The following DIP2B variants were observed in gnomAD, a reference collection of about 807,000 sequenced individuals.
DIP2B encodes disco-interacting protein 2 homolog B.
A neutral mutation model predicts 198.0 loss-of-function variants in DIP2B; 76 were observed. The ratio of observed to expected loss-of-function variants is 0.38; its 90% CI spans 0.32 to 0.46. The LOEUF is 0.46. DIP2B is among the 20% of genes least tolerant of loss of function. The probability of loss-of-function intolerance (pLI) is 0.99; values close to 1 mark genes in which losing one functional copy is unlikely to be tolerated. For missense variants in DIP2B, 1,559 were observed against 1,978.4 expected (o/e 0.79, Z 4.02); for synonymous variants, 701 against 739.1 (o/e 0.95, Z 0.84).
chr12:50,708,096 C>A (rs1939547169), intron 21 of DIP2B, among the ~76,000 whole-genome samples: 1 of 152,018 alleles, frequency 6.6e-6, no homozygotes, highest in African/African-American at 2.4e-5. Flanking sequence ...CCCGAGCCAC[C>A]CTGCCCTCAG....
At position 50,745,070 on chromosome 12, in the gene DIP2B, A is replaced by G; in HGVS notation, c.*231A>G. On this transcript the variant is annotated 3_prime_UTR_variant, in exon 38 of 38. Coordinates refer to ENST00000301180, the MANE Select transcript of DIP2B (RefSeq NM_173602.3). ...ACATGTGCTTTGACATAGCGTGAGC[A>G]GCACATTACTAAAGCAATTACATGC... The G allele has an allele frequency of 1.8e-6, 1 of 559,512 alleles. No homozygotes were observed. The highest frequency in any genetic ancestry group is 3.1e-6 in the Non-Finnish European group (1 of 320,484). 34.7% of individuals were successfully genotyped at this position (559,512 alleles called of 1,614,324 possible).
intron 13 of DIP2B, 64 bp from the exon 14 acceptor site, chr12:50,692,885 T>G: frequency 7.3e-7 from 1 of 1,367,316 alleles, no homozygotes. Flanking sequence ...AAGAGGCAAG[T>G]GACATAATTT....
chr12:50,549,177 A>G (rs1958403479), intron 1 of DIP2B, among the ~76,000 whole-genome samples: 1 of 151,884 alleles, frequency 6.6e-6, no homozygotes, highest in African/African-American at 2.4e-5. Context: ...GTTTAAAAAA[A>G]AAAAAAAAGG....
Position 50,691,243 on chromosome 12 carries a change from C to T in DIP2B, c.1654+92C>T, listed in dbSNP as rs74417964. ...TCAGTGATTGGACCTCATTTAATGA[C>T]CGAATTCAGAGTGAAATGTCCCAAG... On this transcript the variant is annotated intron_variant, in intron 13 of 37. Transcript: ENST00000301180. 7.7e-4 allele frequency: 861 copies of T among 1,121,796 alleles called. 5 individuals carry two copies. In the African/African-American group the frequency reaches 0.012, roughly 16 times the overall value. 69.5% of individuals were successfully genotyped at this position (1,121,796 alleles called of 1,614,324 possible).
At chr12:50,561,769 G>A (rs529669040) in intron 1 of DIP2B, among the ~76,000 whole-genome samples, 5 of 152,206 alleles carry the variant, frequency 3.3e-5, no homozygotes, top group Admixed American at 3.3e-4. Context: ...AACCATGCTT[G>A]GCTAATTTTT....
chr12:50,669,029 A>C (rs971593406), intron 4 of DIP2B, among the ~76,000 whole-genome samples: 3 of 151,604 alleles, frequency 2.0e-5, no homozygotes, highest in African/African-American at 7.3e-5. Flanking sequence ...GTCACTATTT[A>C]TCTCTCCACC....
chr12:50,685,260 G>A (rs1939113397), intron 10 of DIP2B, among the ~76,000 whole-genome samples: 1 of 152,160 alleles, frequency 6.6e-6, no homozygotes, highest in South Asian at 2.1e-4. Flanking sequence ...AATGATGCTT[G>A]TAAGATGATA....
chr12:50,602,537 G>A (rs904197709), intron 1 of DIP2B, among the ~76,000 whole-genome samples: 1 of 152,198 alleles, frequency 6.6e-6, no homozygotes, highest in African/African-American at 2.4e-5. Context: ...GATTACAGAT[G>A]TGAGCCACTA....
rs1361968774 is a variant in DIP2B at position 50,721,324 on chromosome 12, A to G, written c.3094A>G (p.Arg1032Gly). The G allele has an allele frequency of 6.2e-7, 1 of 1,614,054 alleles. No homozygotes were observed. Among genetic ancestry groups the G allele is most frequent in the African/African-American group, 1.3e-5 (1 of 74,934 alleles). The change falls in exon 26 of 38, where the codon AGG becomes GGG. Residue 1032 changes from arginine to glycine, a missense_variant. Arg to Gly is a moderately radical substitution (Grantham distance 125, BLOSUM62 -2). Coordinates refer to ENST00000301180, the MANE Select transcript of DIP2B (RefSeq NM_173602.3). ...CCTTCAGCTTCATAAGCGAGCAGAGAGGATTGCATCTGTTCTTGGTGATAA... is the reference window on the plus strand; with the variant it reads ...CCTTCAGCTTCATAAGCGAGCAGAGGGGATTGCATCTGTTCTTGGTGATAA... ...SCLQLHKRAERIASVLGDKGH... is the reference protein window; with the variant it reads ...SCLQLHKRAEGIASVLGDKGH...
intron 2 of DIP2B, among the ~76,000 whole-genome samples, chr12:50,629,746 A>T (rs1342566422): frequency 3.3e-5 from 5 of 152,052 alleles, no homozygotes; most frequent in African/African-American, 1.2e-4. Flanking sequence ...CCCTGCATGC[A>T]TTCTCCAGAA....
chr12:50,562,290 A>T (rs975642247), intron 1 of DIP2B, among the ~76,000 whole-genome samples: 2 of 152,156 alleles, frequency 1.3e-5, no homozygotes, highest in African/African-American at 4.8e-5. Flanking sequence ...GGGAGTGTGT[A>T]TGGTAATAAG....
At chr12:50,556,961 C>G (rs531091824) in intron 1 of DIP2B, among the ~76,000 whole-genome samples, 2 of 152,166 alleles carry the variant, frequency 1.3e-5, no homozygotes, top group Non-Finnish European at 2.9e-5. Flanking sequence ...TCACCTACAT[C>G]GGCCTCCCAT....
At chr12:50,590,656 A>C (rs1303873972) in intron 1 of DIP2B, among the ~76,000 whole-genome samples, 1 of 152,202 alleles carries the variant, frequency 6.6e-6, no homozygotes, top group Non-Finnish European at 1.5e-5. Context: ...GCTGAGAGCC[A>C]CCATGCCTGG....
chr12:50,522,751 A>G (rs1352788296), intron 1 of DIP2B, among the ~76,000 whole-genome samples: 1 of 152,208 alleles, frequency 6.6e-6, no homozygotes, highest in Non-Finnish European at 1.5e-5. Context: ...TATAAATGCT[A>G]AGTAAGAATC....
At chr12:50,704,687 G>A (rs1279632314) in intron 20 of DIP2B, among the ~76,000 whole-genome samples, 4 of 152,154 alleles carry the variant, frequency 2.6e-5, no homozygotes, top group Admixed American at 6.5e-5. Flanking sequence ...AGTTTGGGCC[G>A]GGTGTGGTGG....
chr12:50,678,583 A>G, intron 7 of DIP2B, 96 bp from the exon 8 acceptor site: 1 of 1,316,290 alleles, frequency 7.6e-7, no homozygotes, highest in Non-Finnish European at 1.0e-6. Context: ...CCAGGTAAAT[A>G]TGAAGTGAAA....
At chr12:50,676,505 C>T (rs1047433882) in intron 7 of DIP2B, among the ~76,000 whole-genome samples, 7 of 152,176 alleles carry the variant, frequency 4.6e-5, no homozygotes, top group South Asian at 4.1e-4. Flanking sequence ...AAGATGTCCA[C>T]GCCAGCAATA....
At chr12:50,513,956 A>G (rs1344629721) in intron 1 of DIP2B, among the ~76,000 whole-genome samples, 1 of 151,746 alleles carries the variant, frequency 6.6e-6, no homozygotes, top group African/African-American at 2.4e-5. Context: ...CTCAGACTTA[A>G]TTGGTCTGAT....
intron 1 of DIP2B, among the ~76,000 whole-genome samples, chr12:50,597,870 C>G (rs1226470873): frequency 3.9e-5 from 6 of 152,154 alleles, no homozygotes; most frequent in African/African-American, 1.4e-4. Context: ...GAAAACTGAA[C>G]AGTCAAGTTC....
Sources: gnomAD v4.1 joint callset for allele counts (sites outside exome capture counted in the v4.1 genomes callset) on GRCh38, gnomAD v4.1.1 for gene constraint, MANE v1.5 for transcripts, NCBI Gene and HGNC (gene_info 2026-07-23, HGNC 2026-07-21) for gene names.